Variants in GPR176 observed in about 807,000 individuals in gnomAD.
GPR176 encodes G protein-coupled receptor 176.
A neutral mutation model predicts 35.4 loss-of-function variants in GPR176; 26 were observed. The observed-to-expected ratio is 0.74, with a 90% CI of 0.54 to 1.02. The LOEUF (loss-of-function observed/expected upper bound fraction) is 1.02. Ranked by LOEUF, GPR176 falls within the 50% of genes least tolerant of loss-of-function variation. GPR176 has a pLI of 0.00. For synonymous variants in GPR176, 278 were observed against 271.3 expected, an observed-to-expected ratio of 1.02 and a Z score of -0.24; for missense variants, 597 against 665.3, an observed-to-expected ratio of 0.90 and a Z score of 1.13.
intron 1 of GPR176, among the ~76,000 whole-genome samples, chr15:39,901,484 C>G (rs1156740148): frequency 6.6e-6 from 1 of 152,130 alleles, no homozygotes; most frequent in Non-Finnish European, 1.5e-5. Flanking sequence ...TACCAATAAC[C>G]CCAAAATTAA....
intron 2 of GPR176, 25 bp from the exon 3 acceptor site, chr15:39,802,279 A>T: frequency 2.0e-6 from 3 of 1,525,368 alleles, no homozygotes; most frequent in Non-Finnish European, 2.7e-6. Flanking sequence ...AACAAAATTA[A>T]TTCCACAGAA....
chr15:39,816,959 C>T (rs547273040), intron 1 of GPR176, among the ~76,000 whole-genome samples: 6 of 149,454 alleles, frequency 4.0e-5, no homozygotes, highest in African/African-American at 1.5e-4. Flanking sequence ...GTCCCAGCCT[C>T]TTAGGAGGCA....
In GPR176 at chr15:39,894,888, G is replaced by A. The variant is rs912012208; in HGVS notation, c.172+24967C>T. ...GGGAGGCCAAGGCAGGCGGCTGGGA[G>A]GTGGAGGTTGTAGCGAGCCGAGATC... is the stretch of plus-strand genomic sequence containing the variant. On this transcript the variant is annotated intron_variant, in intron 1 of 2. Coordinates refer to ENST00000561100, the MANE Select transcript of GPR176 (RefSeq NM_007223.3). Among the ~76,000 whole-genome samples, 80 of 152,204 alleles carry A rather than the reference G, an allele frequency of 5.3e-4. 1 individual carries two copies. The highest frequency in any genetic ancestry group is 1.2e-4 in the Non-Finnish European group (8 of 68,040).
chr15:39,807,767 T>G (rs890161651), intron 1 of GPR176: 3 of 517,582 alleles, frequency 5.8e-6, no homozygotes, highest in Admixed American at 3.5e-5. Flanking sequence ...CAACATGTAA[T>G]GATTACTTTA....
At chr15:39,835,265 C>G (rs1293117125) in intron 1 of GPR176, among the ~76,000 whole-genome samples, 1 of 151,998 alleles carries the variant, frequency 6.6e-6, no homozygotes, top group Non-Finnish European at 1.5e-5. Context: ...GATGATCCAC[C>G]GGCTCGGCCT....
intron 1 of GPR176, among the ~76,000 whole-genome samples, chr15:39,880,120 A>G (rs1250575072): frequency 6.6e-6 from 1 of 152,252 alleles, no homozygotes; most frequent in African/African-American, 2.4e-5. Context: ...AACTCCTGGC[A>G]CAGTGGCTTC....
rs1340192265 is a variant in GPR176 at position 39,914,338 on chromosome 15, G to A, written c.172+5517C>T. Among the ~76,000 whole-genome samples the A allele has an allele frequency of 2.3e-5, 3 of 130,154 alleles. No homozygotes were observed. In the East Asian group the frequency reaches 6.9e-4, roughly 30 times the overall value. 85.4% of individuals were successfully genotyped at this position (130,154 alleles called of 152,430 possible). A position where few individuals can be genotyped will look rare whatever the true frequency, so the allele number is the denominator to read the frequency against. ...TTTTTTTTTTTTTTTTTTTGAGAAG[G>A]AGTCTCACTCTGTCACCCAGGCTGG... On this transcript the variant is annotated intron_variant, in intron 1 of 2. Transcript: ENST00000561100.
intron 1 of GPR176, among the ~76,000 whole-genome samples, chr15:39,808,898 A>G (rs965847863): frequency 6.6e-6 from 1 of 152,172 alleles, no homozygotes. Context: ...ATCACAGTGC[A>G]TAAGTATGAA....
chr15:39,916,463 T>A (rs2140882493), intron 1 of GPR176, among the ~76,000 whole-genome samples: 1 of 152,276 alleles, frequency 6.6e-6, no homozygotes, highest in East Asian at 1.9e-4. Flanking sequence ...TTCCTTCTGG[T>A]TGGAATATTA....
At chr15:39,867,497 G>A (rs1435357410) in intron 1 of GPR176, among the ~76,000 whole-genome samples, 2 of 152,046 alleles carry the variant, frequency 1.3e-5, no homozygotes, top group Admixed American at 1.3e-4. Context: ...GGGAGGTGAG[G>A]GGCAAGCCAG....
intron 1 of GPR176, among the ~76,000 whole-genome samples, chr15:39,912,337 C>T (rs993606943): frequency 6.6e-6 from 1 of 152,016 alleles, no homozygotes; most frequent in Non-Finnish European, 1.5e-5. Flanking sequence ...CTTTTCATGG[C>T]TAGGTGAAGT....
intron 1 of GPR176, among the ~76,000 whole-genome samples, chr15:39,897,565 T>C (rs2033150552): frequency 6.6e-6 from 1 of 150,460 alleles, no homozygotes; most frequent in African/African-American, 2.4e-5. Flanking sequence ...CAAATTGCAC[T>C]CATTGCCTGA....
At chr15:39,853,795 C>T (rs905368055) in intron 1 of GPR176, among the ~76,000 whole-genome samples, 1 of 151,964 alleles carries the variant, frequency 6.6e-6, no homozygotes, top group African/African-American at 2.4e-5. Flanking sequence ...CCCCCAACAA[C>T]AAAAAATTAT....
At chr15:39,812,157 A>T (rs1298814822) in intron 1 of GPR176, among the ~76,000 whole-genome samples, 2 of 152,222 alleles carry the variant, frequency 1.3e-5, no homozygotes, top group Non-Finnish European at 2.9e-5. Context: ...TTATAACAGT[A>T]TTGTAATGGT....
chr15:39,916,289 A>C (rs2140882383), intron 1 of GPR176, among the ~76,000 whole-genome samples: 1 of 152,336 alleles, frequency 6.6e-6, no homozygotes, highest in African/African-American at 2.4e-5. Context: ...GAGGAATCTA[A>C]ATTATTTTAC....
intron 1 of GPR176, among the ~76,000 whole-genome samples, chr15:39,911,923 C>A (rs2033589066): frequency 6.6e-6 from 1 of 152,042 alleles, no homozygotes; most frequent in Non-Finnish European, 1.5e-5. Flanking sequence ...AAAAAAAGTA[C>A]CTTCAAAGAT....
At chr15:39,811,646 G>A (rs545268612) in intron 1 of GPR176, among the ~76,000 whole-genome samples, 1 of 152,128 alleles carries the variant, frequency 6.6e-6, no homozygotes, top group Non-Finnish European at 1.5e-5. Flanking sequence ...TCGGGGTGTG[G>A]TGGCTCACAC....
At chr15:39,885,621 T>C (rs1488675424) in intron 1 of GPR176, among the ~76,000 whole-genome samples, 6 of 152,242 alleles carry the variant, frequency 3.9e-5, no homozygotes, top group African/African-American at 1.4e-4. Context: ...AGAATCTTTA[T>C]TTCTGAATAA....
chr15:39,836,609 T>C (rs1216572837), intron 1 of GPR176, among the ~76,000 whole-genome samples: 1 of 152,136 alleles, frequency 6.6e-6, no homozygotes, highest in Non-Finnish European at 1.5e-5. Context: ...AACACCCACC[T>C]CCTTAATTTA....
Sources: gnomAD v4.1 joint callset for allele counts (sites outside exome capture counted in the v4.1 genomes callset) on GRCh38, gnomAD v4.1.1 for gene constraint, MANE v1.5 for transcripts, NCBI Gene and HGNC (gene_info 2026-07-23, HGNC 2026-07-21) for gene names.